Variants in NTNG1 observed in about 807,000 individuals in gnomAD.
The protein encoded by NTNG1 is netrin-G1.
In NTNG1, 16 loss-of-function variants were observed where a neutral mutation model predicts 54.0. That is an observed-to-expected ratio of 0.30 (90% confidence interval 0.20 to 0.45). NTNG1 has a LOEUF of 0.45. Among genes scored for constraint, NTNG1 ranks in the 20% least tolerant of loss-of-function variants. The probability of loss-of-function intolerance (pLI) is 1.00; values close to 1 mark genes in which losing one functional copy is unlikely to be tolerated. For missense variants in NTNG1, 530 were observed against 678.7 expected (o/e 0.78, Z 2.43); for synonymous variants, 255 against 263.1 (o/e 0.97, Z 0.30).
At chr1:107,450,915 G>A (rs961027818) in intron 7 of NTNG1, among the ~76,000 whole-genome samples, 2 of 151,988 alleles carry the variant, frequency 1.3e-5, no homozygotes, top group African/African-American at 4.8e-5. Context: ...AACTAAGTGG[G>A]GTTCTCTACC....
intron 3 of NTNG1, among the ~76,000 whole-genome samples, chr1:107,378,648 C>T (rs752592004): frequency 3.3e-5 from 5 of 152,172 alleles, no homozygotes; most frequent in Non-Finnish European, 7.4e-5. Flanking sequence ...AGAAGAATGT[C>T]GAGGAAGGAG....
At chr1:107,373,079 A>G (rs1318723013) in intron 3 of NTNG1, among the ~76,000 whole-genome samples, 1 of 152,086 alleles carries the variant, frequency 6.6e-6, no homozygotes, top group Non-Finnish European at 1.5e-5. Flanking sequence ...TTTATACTTA[A>G]TGTAATTATT....
intron 3 of NTNG1, among the ~76,000 whole-genome samples, chr1:107,384,287 C>A (rs956275959): frequency 7.9e-5 from 12 of 152,302 alleles, no homozygotes; most frequent in African/African-American, 1.2e-4. Context: ...TGATGCTTCA[C>A]TATACTCAAG....
At position 107,470,957 on chromosome 1, in the gene NTNG1, G is replaced by A. The variant is rs545756839; in HGVS notation, c.1391-9654G>A. Reference sequence around the variant, plus strand: ...AAAAATTTTAGGGATGTTTGGGCAGGGCCTCCTGCTCCTGCATCAGAGTCA... The same window carrying A: ...AAAAATTTTAGGGATGTTTGGGCAGAGCCTCCTGCTCCTGCATCAGAGTCA... On this transcript the variant is annotated intron_variant, in intron 7 of 7. Coordinates refer to ENST00000370068, the MANE Select transcript of NTNG1 (RefSeq NM_001113226.3). 1.2e-4 allele frequency among the ~76,000 whole-genome samples: 18 copies of A among 152,178 alleles called. No individual in the cohort carries two copies. The South Asian group carries it at 3.7e-3, about 32-fold the overall frequency.
At chr1:107,415,388 C>T (rs1321995513) in intron 5 of NTNG1, among the ~76,000 whole-genome samples, 1 of 152,150 alleles carries the variant, frequency 6.6e-6, no homozygotes, top group African/African-American at 2.4e-5. Context: ...AGGCATCACC[C>T]TTCCATGAAC....
intron 2 of NTNG1, among the ~76,000 whole-genome samples, chr1:107,216,147 T>G (rs1570877700): frequency 6.6e-6 from 1 of 152,296 alleles, no homozygotes; most frequent in East Asian, 1.9e-4. Flanking sequence ...TTTCTTTCTC[T>G]TGTCCAGTTG....
intron 2 of NTNG1, among the ~76,000 whole-genome samples, chr1:107,219,129 C>T (rs12755802): frequency 0.86 from 128,179 of 149,182 alleles, 56,602 homozygotes; most frequent in East Asian, 0.99. Context: ...TTTTTTTTGT[C>T]TTTAATAGAT....
intron 6 of NTNG1, among the ~76,000 whole-genome samples, chr1:107,435,995 G>C (rs1415097411): frequency 6.6e-6 from 1 of 152,162 alleles, no homozygotes; most frequent in Non-Finnish European, 1.5e-5. Context: ...CCTGCCAGCA[G>C]ACATTATAAT....
intron 2 of NTNG1, among the ~76,000 whole-genome samples, chr1:107,303,211 TGCA>T (rs753344568): frequency 1.4e-3 from 208 of 152,332 alleles, no homozygotes; most frequent in Non-Finnish European, 2.5e-3. Flanking sequence ...ACCAGTGCAA[TGCA>T]TTCAGGACAA....
intron 3 of NTNG1, among the ~76,000 whole-genome samples, chr1:107,392,626 C>A (rs1672432895): frequency 6.6e-6 from 1 of 151,912 alleles, no homozygotes; most frequent in South Asian, 2.1e-4. Context: ...GGTGATTTGA[C>A]AAGGGAGGCT....
At chr1:107,346,402 G>A in intron 3 of NTNG1, among the ~76,000 whole-genome samples, 1 of 152,138 alleles carries the variant, frequency 6.6e-6, no homozygotes, top group East Asian at 1.9e-4. Flanking sequence ...ATGCAGAGTG[G>A]GAACTTACCA....
chr1:107,191,069 C>T (rs564387290), intron 2 of NTNG1, among the ~76,000 whole-genome samples: 1,905 of 152,248 alleles, frequency 0.013, 36 homozygotes, highest in African/African-American at 0.043. Context: ...CCTATTTCTC[C>T]GCATCCTCTC....
chr1:107,182,805 G>C (rs1045636034), intron 2 of NTNG1, among the ~76,000 whole-genome samples: 5 of 152,118 alleles, frequency 3.3e-5, no homozygotes, highest in African/African-American at 7.2e-5. Flanking sequence ...GAGAGACAAG[G>C]ACAGAGGAGT....
At chr1:107,328,247 C>G (rs1051148743) in intron 3 of NTNG1, among the ~76,000 whole-genome samples, 1 of 152,084 alleles carries the variant, frequency 6.6e-6, no homozygotes, top group Admixed American at 6.6e-5. Flanking sequence ...CAGTAAATCA[C>G]GGTGATTTTC....
intron 3 of NTNG1, among the ~76,000 whole-genome samples, chr1:107,358,228 G>T (rs1260322969): frequency 6.6e-6 from 1 of 151,954 alleles, no homozygotes; most frequent in East Asian, 1.9e-4. Flanking sequence ...ATTACACTCT[G>T]GACTAAGAAA....
intron 4 of NTNG1, among the ~76,000 whole-genome samples, chr1:107,401,802 C>G (rs1673058960): frequency 6.6e-6 from 1 of 151,696 alleles, no homozygotes; most frequent in South Asian, 2.1e-4. Context: ...GGACTCTGGG[C>G]TCCAGTTTCC....
At chr1:107,474,017 A>C (rs1197981393) in intron 7 of NTNG1, among the ~76,000 whole-genome samples, 1 of 152,260 alleles carries the variant, frequency 6.6e-6, no homozygotes, top group Non-Finnish European at 1.5e-5. Flanking sequence ...AATTATATTT[A>C]TCAATACGAA....
chr1:107,284,398 G>C (rs950620873), intron 2 of NTNG1, among the ~76,000 whole-genome samples: 1 of 152,010 alleles, frequency 6.6e-6, no homozygotes, highest in Non-Finnish European at 1.5e-5. Flanking sequence ...AGTATTGATT[G>C]GTTTACAGAT....
chr1:107,270,655 C>T (rs1044187400), intron 2 of NTNG1, among the ~76,000 whole-genome samples: 1 of 151,978 alleles, frequency 6.6e-6, no homozygotes, highest in Non-Finnish European at 1.5e-5. Context: ...TTTTTGTTCA[C>T]TTTCTAAACA....
Sources: gnomAD v4.1 joint callset for allele counts (sites outside exome capture counted in the v4.1 genomes callset) on GRCh38, gnomAD v4.1.1 for gene constraint, MANE v1.5 for transcripts, NCBI Gene and HGNC (gene_info 2026-07-23, HGNC 2026-07-21) for gene names.